The following RGS7BP variants were observed in gnomAD, a reference collection of about 807,000 sequenced individuals.
RGS7BP encodes the protein regulator of G protein signaling 7 binding protein.
Under a neutral mutation model 31.3 loss-of-function variants are expected in RGS7BP, and 9 were observed. The observed-to-expected ratio is 0.29, with a 90% confidence interval of 0.17 to 0.50. RGS7BP has a LOEUF of 0.50. Ranked by LOEUF, RGS7BP falls within the 20% of genes least tolerant of loss-of-function variation. The probability of loss-of-function intolerance (pLI) is 0.98; values close to 1 mark genes in which losing one functional copy is unlikely to be tolerated. For synonymous variants in RGS7BP, 115 were observed against 120.1 expected, an observed-to-expected ratio of 0.96 and a Z score of 0.28; for missense variants, 274 against 322.0, an observed-to-expected ratio of 0.85 and a Z score of 1.14.
At chr5:64,587,569 T>C (rs1742792572) in intron 3 of RGS7BP, among the ~76,000 whole-genome samples, 1 of 152,270 alleles carries the variant, frequency 6.6e-6, no homozygotes, top group South Asian at 2.1e-4. Flanking sequence ...CAGCAGAGAC[T>C]ATCAGTGCTT....
chr5:64,579,564 A>C (rs1484985477), intron 3 of RGS7BP, among the ~76,000 whole-genome samples: 1 of 149,580 alleles, frequency 6.7e-6, no homozygotes, highest in Non-Finnish European at 1.5e-5. Context: ...AAAAAAAAAA[A>C]AAAAGGAAAG....
chr5:64,519,120 G>A (rs1005276453), intron 2 of RGS7BP, among the ~76,000 whole-genome samples: 1 of 152,186 alleles, frequency 6.6e-6, no homozygotes, highest in African/African-American at 2.4e-5. Context: ...GCCTAGGACA[G>A]GATCTCTAGC....
At chr5:64,559,301 G>T (rs920283375) in intron 2 of RGS7BP, among the ~76,000 whole-genome samples, 1 of 152,100 alleles carries the variant, frequency 6.6e-6, no homozygotes, top group Non-Finnish European at 1.5e-5. Context: ...AAATAGAAAA[G>T]AACCTATGTT....
chr5:64,532,574 T>G (rs1311359339), intron 2 of RGS7BP, among the ~76,000 whole-genome samples: 1 of 152,188 alleles, frequency 6.6e-6, no homozygotes, highest in Non-Finnish European at 1.5e-5. Flanking sequence ...TTAAAAACAA[T>G]AAGTAAAAAG....
intron 2 of RGS7BP, among the ~76,000 whole-genome samples, chr5:64,541,984 G>C (rs1741537706): frequency 6.7e-6 from 1 of 150,122 alleles, no homozygotes; most frequent in African/African-American, 2.4e-5. Context: ...CTTATTTTTT[G>C]TTCTAGTATA....
At chr5:64,595,181 GAA>G (rs1230352433) in intron 4 of RGS7BP, among the ~76,000 whole-genome samples, 2 of 152,162 alleles carry the variant, frequency 1.3e-5, no homozygotes, top group Non-Finnish European at 2.9e-5. Flanking sequence ...CCTTGGAGGG[GAA>G]AAAGTCTACA....
chr5:64,575,978 T>C (rs1742418082), intron 3 of RGS7BP, 74 bp downstream of exon 3: 1 of 1,356,116 alleles, frequency 7.4e-7, no homozygotes, highest in African/African-American at 1.5e-5. Flanking sequence ...AGTGTCCGTA[T>C]ATACCATATC....
chr5:64,556,255 A>AT (rs1467069582), intron 2 of RGS7BP, among the ~76,000 whole-genome samples: 6 of 151,784 alleles, frequency 4.0e-5, no homozygotes, highest in Non-Finnish European at 7.4e-5. Context: ...GAGGCTGAGT[A>AT]TTTTTATGTC....
intron 2 of RGS7BP, among the ~76,000 whole-genome samples, chr5:64,534,755 C>T (rs1749462682): frequency 6.6e-6 from 1 of 152,174 alleles, no homozygotes; most frequent in African/African-American, 2.4e-5. Flanking sequence ...TAGGACAAAT[C>T]TGGAGCTCAA....
chr5:64,578,684 C>T (rs548227809), intron 3 of RGS7BP, among the ~76,000 whole-genome samples: 6 of 152,286 alleles, frequency 3.9e-5, no homozygotes, highest in African/African-American at 7.2e-5. Context: ...TGGCTTTATG[C>T]GTTCTTTCTC....
At chr5:64,566,002 C>G (rs907647394) in intron 2 of RGS7BP, among the ~76,000 whole-genome samples, 1 of 152,030 alleles carries the variant, frequency 6.6e-6, no homozygotes, top group Non-Finnish European at 1.5e-5. Context: ...TGTACAGAAT[C>G]CCCAGTGTTG....
At chr5:64,583,314 A>G (rs1210652177) in intron 3 of RGS7BP, among the ~76,000 whole-genome samples, 2 of 152,128 alleles carry the variant, frequency 1.3e-5, no homozygotes, top group African/African-American at 2.4e-5. Context: ...GCTTGAGCCC[A>G]GGAGGCAGAG....
chr5:64,541,097 A>G (rs1741516832), intron 2 of RGS7BP, among the ~76,000 whole-genome samples: 1 of 152,214 alleles, frequency 6.6e-6, no homozygotes, highest in African/African-American at 2.4e-5. Context: ...TGCAAGCCAT[A>G]TACGAAGCAT....
chr5:64,591,740 A>AAAAT (rs1482556325), intron 3 of RGS7BP, among the ~76,000 whole-genome samples: 2 of 152,210 alleles, frequency 1.3e-5, no homozygotes, highest in Non-Finnish European at 2.9e-5. Flanking sequence ...TCCATCAATT[A>AAAAT]AAATGCACTA....
intron 1 of RGS7BP, among the ~76,000 whole-genome samples, chr5:64,507,279 C>T (rs1748716945): frequency 6.6e-6 from 1 of 152,168 alleles, no homozygotes; most frequent in African/African-American, 2.4e-5. Context: ...GAATGGTTTG[C>T]CTATTACACC....
At chr5:64,598,316 AT>A in intron 4 of RGS7BP, 48 bp from the exon 5 acceptor site, 1 of 1,101,494 alleles carries the variant, frequency 9.1e-7, no homozygotes, top group Non-Finnish European at 1.4e-6. Context: ...TTGAGATTTC[AT>A]TTTGAAAATT....
In RGS7BP at chr5:64,506,670, A is replaced by G; in HGVS notation, c.46A>G (p.Thr16Ala). The change falls in exon 1 of 6, where the codon ACC (threonine) becomes GCC (alanine). Residue 16 changes from threonine to alanine, a missense_variant. By Grantham distance (58) the Thr-to-Ala change is moderately conservative. Transcript: ENST00000334025. The surrounding 1 kb of genome is among the most constrained non-coding windows in gnomAD (Gnocchi z 4.6). Reference protein sequence around the residue: ...NGRKKRPSRSTRSSIFQISKP... With the variant: ...NGRKKRPSRSARSSIFQISKP... ...GCGCAAAAAGCGCCCCAGCCGGTCC[A>G]CCCGCTCCTCGATCTTCCAGATCAG... 1 of 1,612,732 alleles carries G rather than the reference A, an allele frequency of 6.2e-7. No homozygotes were observed. The highest frequency in any genetic ancestry group is 8.5e-7 in the Non-Finnish European group (1 of 1,179,024).
intron 2 of RGS7BP, among the ~76,000 whole-genome samples, chr5:64,568,377 T>C (rs1379144419): frequency 3.3e-5 from 5 of 151,996 alleles, no homozygotes; most frequent in Non-Finnish European, 4.4e-5. Flanking sequence ...AAGGGAAAAA[T>C]GGAGAGGCCA....
intron 5 of RGS7BP, among the ~76,000 whole-genome samples, chr5:64,607,920 A>G (rs1225899462): frequency 1.3e-5 from 2 of 152,058 alleles, no homozygotes; most frequent in Non-Finnish European, 2.9e-5. Flanking sequence ...CTCAGTAATC[A>G]GGAAAAACAA....
Sources: gnomAD v4.1 joint callset for allele counts (sites outside exome capture counted in the v4.1 genomes callset) on GRCh38, gnomAD v4.1.1 for gene constraint, Gnocchi (gnomAD v3.1) non-coding constraint, MANE v1.5 for transcripts, NCBI Gene and HGNC (gene_info 2026-07-23, HGNC 2026-07-21) for gene names.